The following RSF1 variants were observed in gnomAD, a reference collection of about 807,000 sequenced individuals.
RSF1 encodes the protein remodeling and spacing factor 1, also known as HBV pX-associated protein 8.
RSF1 carries 13 observed loss-of-function variants against 145.2 expected under a neutral mutation model. The ratio of observed to expected loss-of-function variants is 0.09; its 90% CI spans 0.06 to 0.14. RSF1 has a LOEUF of 0.14. Among genes scored for constraint, RSF1 ranks in the 10% least tolerant of loss-of-function variants. The pLI, the probability that RSF1 is intolerant of heterozygous loss-of-function variation, is 1.00. For synonymous variants in RSF1, 577 were observed against 592.6 expected (o/e 0.97, Z 0.38); for missense variants, 1,517 against 1,718.2 (o/e 0.88, Z 2.07).
chr11:77,733,734 G>C (rs1033115798), intron 4 of RSF1, among the ~76,000 whole-genome samples: 14 of 151,964 alleles, frequency 9.2e-5, no homozygotes, highest in African/African-American at 3.4e-4. Flanking sequence ...GCTGATTTTT[G>C]TATTTGTTGT....
At chr11:77,827,359 T>C in the RSF1 span, among the ~76,000 whole-genome samples, 2 of 152,184 alleles carry the variant, frequency 1.3e-5, no homozygotes, top group African/African-American at 4.8e-5. Context: ...CAATACCTCA[T>C]GTGAATCTAG....
At chr11:77,872,102 C>T in the RSF1 span, 8 of 1,492,894 alleles carry the variant, frequency 5.4e-6, no homozygotes, top group African/African-American at 5.6e-5. Flanking sequence ...TAGAGTACAC[C>T]TGCCTCATGG....
chr11:77,864,029 C>T, the RSF1 span, among the ~76,000 whole-genome samples: 4 of 151,444 alleles, frequency 2.6e-5, no homozygotes, highest in Non-Finnish European at 4.4e-5. Context: ...CATGTTTAAG[C>T]GATTCTCCTG....
At chr11:77,703,971 C>T (rs757762995) in intron 5 of RSF1, among the ~76,000 whole-genome samples, 4 of 152,130 alleles carry the variant, frequency 2.6e-5, no homozygotes, top group Non-Finnish European at 5.9e-5. Flanking sequence ...CCTTGTTTAA[C>T]GGTTAAAATA....
upstream of RSF1, among the ~76,000 whole-genome samples, chr11:77,822,003 A>G (rs1469752863): frequency 6.6e-6 from 1 of 152,198 alleles, no homozygotes; most frequent in Non-Finnish European, 1.5e-5. Context: ...GCCGTAGCAC[A>G]TAGTGAGTAC....
the RSF1 span, chr11:77,869,302 A>ATCTC: frequency 2.5e-4 from 35 of 137,630 alleles, no homozygotes; most frequent in Non-Finnish European, 3.8e-4. Flanking sequence ...TCGTTTATTT[A>ATCTC]TCTCTTTTTC....
the RSF1 span, among the ~76,000 whole-genome samples, chr11:77,861,598 C>A: frequency 6.6e-6 from 1 of 152,268 alleles, no homozygotes; most frequent in East Asian, 1.9e-4. Flanking sequence ...GGGCAGTGGG[C>A]CTTCCAGTGA....
the RSF1 span, among the ~76,000 whole-genome samples, chr11:77,868,555 C>T: frequency 1.2e-4 from 18 of 149,892 alleles, no homozygotes; most frequent in Admixed American, 4.0e-4. Flanking sequence ...GATGGGGTTT[C>T]GCCATGTTGA....
intron 1 of RSF1, among the ~76,000 whole-genome samples, chr11:77,810,449 A>G (rs1008141868): frequency 2.0e-5 from 3 of 152,244 alleles, no homozygotes; most frequent in Non-Finnish European, 4.4e-5. Context: ...TTAATACTAA[A>G]ACAGTTGGAT....
At chr11:77,690,757 T>C (rs1488546011) in intron 9 of RSF1, among the ~76,000 whole-genome samples, 2 of 152,220 alleles carry the variant, frequency 1.3e-5, no homozygotes, top group Non-Finnish European at 2.9e-5. Context: ...TGGCAAACAT[T>C]TCCTATAAAA....
At chr11:77,752,882 C>T (rs927650942) in intron 2 of RSF1, among the ~76,000 whole-genome samples, 1 of 152,056 alleles carries the variant, frequency 6.6e-6, no homozygotes, top group African/African-American at 2.4e-5. Flanking sequence ...GTAAAGAAGC[C>T]ACCCCAAACC....
the RSF1 span, among the ~76,000 whole-genome samples, chr11:77,834,771 T>A: frequency 1.1e-4 from 16 of 152,174 alleles, no homozygotes; most frequent in African/African-American, 3.9e-4. Flanking sequence ...AATAAGTACT[T>A]GCAGAAGAAT....
chr11:77,724,721 G>A (rs535909889), intron 5 of RSF1, among the ~76,000 whole-genome samples: 118 of 152,228 alleles, frequency 7.8e-4, no homozygotes, highest in African/African-American at 2.8e-3. Context: ...TGAGGAGTGT[G>A]CAACCTAGAT....
the RSF1 span, among the ~76,000 whole-genome samples, chr11:77,834,790 T>C: frequency 6.6e-6 from 1 of 152,290 alleles, no homozygotes; most frequent in South Asian, 2.1e-4. Flanking sequence ...ATGTTTCTAG[T>C]ATCAAGATAA....
In RSF1 at chr11:77,661,496, G is replaced by A. The variant is rs998350331; in HGVS notation, c.*5421C>T. ...CATGCAGTGACCTTAAAGCTTTGGA[G>A]ACAGGGCTTGTTACTCTAATTTCAA... On this transcript the variant is annotated 3_prime_UTR_variant, in exon 16 of 16. Transcript: ENST00000308488. 3.3e-5 allele frequency: 5 copies of A among 151,900 alleles called. No homozygotes were observed. The highest frequency in any genetic ancestry group is 9.7e-5 in the African/African-American group (4 of 41,358). 9.4% of individuals were successfully genotyped at this position (151,900 alleles called of 1,614,324 possible).
At position 77,675,267 on chromosome 11, in the gene RSF1, G is replaced by A. The variant is rs539173824; in HGVS notation, c.3342-11C>T. ...AACTCATCTTGAGATCTGTCCAAGA[G>A]AAATCAGATAAAATACAATGGTATT... On this transcript the variant is annotated splice_polypyrimidine_tract_variant and intron_variant, in intron 13 of 15. Transcript: ENST00000308488. 1 of 1,596,766 alleles carries A rather than the reference G, an allele frequency of 6.3e-7. No homozygotes were observed. Among genetic ancestry groups the A allele is most frequent in the East Asian group, 2.2e-5 (1 of 44,814 alleles).
chr11:77,816,606 T>C (rs1948784503), intron 1 of RSF1, among the ~76,000 whole-genome samples: 1 of 152,238 alleles, frequency 6.6e-6, no homozygotes. Context: ...TTATTAGATA[T>C]ATGTAACATC....
chr11:77,811,879 G>T (rs758884557), intron 1 of RSF1, among the ~76,000 whole-genome samples: 4 of 152,148 alleles, frequency 2.6e-5, no homozygotes, highest in Non-Finnish European at 5.9e-5. Flanking sequence ...TCAAGATTAA[G>T]AATAAATAAA....
At chr11:77,680,726 A>G (rs1214799517) in intron 11 of RSF1, among the ~76,000 whole-genome samples, 1 of 152,234 alleles carries the variant, frequency 6.6e-6, no homozygotes, top group Non-Finnish European at 1.5e-5. Context: ...ATATTTAGTT[A>G]AAACAGTTTA....
Sources: gnomAD v4.1 joint callset for allele counts (sites outside exome capture counted in the v4.1 genomes callset) on GRCh38, gnomAD v4.1.1 for gene constraint, MANE v1.5 for transcripts, NCBI Gene and HGNC (gene_info 2026-07-23, HGNC 2026-07-21) for gene names.